The following KCNT2 variants were observed in gnomAD, a reference collection of about 807,000 sequenced individuals.
KCNT2 encodes the protein potassium channel subfamily T member 2.
KCNT2 carries 67 observed loss-of-function variants against 153.8 expected under a neutral mutation model. The ratio of observed to expected loss-of-function variants is 0.44; its 90% CI spans 0.36 to 0.53. The LOEUF is 0.53. Among genes scored for constraint, KCNT2 ranks in the 20% least tolerant of loss-of-function variants. The pLI is 0.00. For missense variants in KCNT2, 975 were observed against 1,354.8 expected (o/e 0.72, Z 4.40); for synonymous variants, 500 against 458.8 (o/e 1.09, Z -1.15).
At chr1:196,586,550 TAA>T (rs2148990230) in intron 1 of KCNT2, among the ~76,000 whole-genome samples, 1 of 152,242 alleles carries the variant, frequency 6.6e-6, no homozygotes, top group Admixed American at 6.5e-5. Flanking sequence ...TTATCATTAA[TAA>T]GAGTACCTGA....
intron 1 of KCNT2, among the ~76,000 whole-genome samples, chr1:196,588,317 T>C (rs147403462): frequency 0.013 from 1,922 of 151,900 alleles, 19 homozygotes; most frequent in Non-Finnish European, 0.02. Context: ...GCTGTTGCCC[T>C]AATGCCCCAG....
At chr1:196,553,306 C>T (rs966600301) in intron 1 of KCNT2, among the ~76,000 whole-genome samples, 5 of 150,998 alleles carry the variant, frequency 3.3e-5, no homozygotes, top group African/African-American at 1.2e-4. Context: ...GAAAAAGAAG[C>T]TCATTACATA....
intron 8 of KCNT2, among the ~76,000 whole-genome samples, chr1:196,432,887 G>T (rs962699224): frequency 6.6e-6 from 1 of 152,100 alleles, no homozygotes; most frequent in Non-Finnish European, 1.5e-5. Context: ...AGCAGGACAT[G>T]CATTTTGATG....
intron 18 of KCNT2, among the ~76,000 whole-genome samples, chr1:196,328,851 G>C (rs531207593): frequency 2.0e-5 from 3 of 152,040 alleles, no homozygotes; most frequent in Non-Finnish European, 4.4e-5. Flanking sequence ...AGAGAACAAA[G>C]GAAATGGTAA....
chr1:196,564,305 AAGACC>A (rs1659808016), intron 1 of KCNT2, among the ~76,000 whole-genome samples: 1 of 151,950 alleles, frequency 6.6e-6, no homozygotes. Context: ...AAGGAAGTAA[AAGACC>A]TGTATCTTGC....
rs1672215958 is a variant in KCNT2 at position 196,410,633 on chromosome 1, T to C, written c.1186-11962A>G. ...CACCCTGCAGCACAAACGAAAAATA[T>C]CATTTTTATTACCATTAGTAGTAGT... On this transcript the variant is annotated intron_variant, in intron 12 of 27. Transcript: ENST00000294725. Among the ~76,000 whole-genome samples the C allele has an allele frequency of 2.6e-5, 4 of 151,284 alleles. No homozygotes were observed. The South Asian group carries it at 6.2e-4, about 24-fold the overall frequency.
At chr1:196,342,448 G>GTA (rs72201546) in intron 14 of KCNT2, among the ~76,000 whole-genome samples, 43 of 100,240 alleles carry the variant, frequency 4.3e-4, no homozygotes, top group African/African-American at 1.3e-3. Flanking sequence ...ATATATATAT[G>GTA]TATATATATA....
At chr1:196,417,060 C>A (rs970836933) in intron 12 of KCNT2, among the ~76,000 whole-genome samples, 1 of 151,994 alleles carries the variant, frequency 6.6e-6, no homozygotes, top group African/African-American at 2.4e-5. Context: ...GTAAATGCAT[C>A]TATTACATAC....
rs1451967883 is a variant in KCNT2, at chr1:196,236,008, T to G, written c.3274A>C (p.Arg1092=). ...YILINPSPDT[R]IELNDVVYLI... The stretch of plus-strand genomic sequence containing the variant: ...TACACAACATCATTCAGCTCTATTC[T>G]GGTATCTGGAGATGGGTTAATCAGG... The change falls in exon 27 of 28, where the codon AGA becomes CGA. Residue 1092 remains arginine (R), a synonymous_variant. Coordinates refer to ENST00000294725, the MANE Select transcript of KCNT2 (RefSeq NM_198503.5). The G allele has an allele frequency of 6.3e-7, 1 of 1,598,200 alleles. No individual in the cohort carries two copies. The highest frequency in any genetic ancestry group is 1.3e-5 in the African/African-American group (1 of 74,416).
chr1:196,507,400 A>G (rs1015307113), intron 1 of KCNT2, among the ~76,000 whole-genome samples: 2 of 152,174 alleles, frequency 1.3e-5, no homozygotes, highest in Non-Finnish European at 2.9e-5. Context: ...GAAGGAAAAG[A>G]CATTAATGTA....
At chr1:196,421,680 TG>T (rs1480256953) in intron 12 of KCNT2, among the ~76,000 whole-genome samples, 3 of 152,086 alleles carry the variant, frequency 2.0e-5, no homozygotes, top group African/African-American at 7.2e-5. Context: ...AATCATTTTT[TG>T]GTCTACACTC....
At chr1:196,452,307 C>T (rs766560063) in intron 8 of KCNT2, among the ~76,000 whole-genome samples, 4 of 151,962 alleles carry the variant, frequency 2.6e-5, no homozygotes, top group Non-Finnish European at 4.4e-5. Context: ...ACTAATAACC[C>T]ACCTTTATAT....
chr1:196,283,194 A>C (rs1432412818), intron 23 of KCNT2, among the ~76,000 whole-genome samples: 1 of 152,204 alleles, frequency 6.6e-6, no homozygotes, highest in Non-Finnish European at 1.5e-5. Flanking sequence ...CTGTAATCCC[A>C]GCACTCTGGG....
rs1212056577 is a variant in KCNT2, at chr1:196,326,869, A to G, written c.2124T>C (p.Tyr708=). Residue 708 remains tyrosine, a synonymous_variant, in exon 19 of 28, where the codon TAT becomes TAC. Transcript: ENST00000294725. ...RLDKSCQHNY[Y]EDAKAYGFKN... ...TGAATCCATAGGCTTTTGCATCCTC[A>G]TAGTAGTTATGTTGGCAACTCTAGA... 3.8e-6 allele frequency: 6 copies of G among 1,575,108 alleles called. No individual in the cohort carries two copies. Among genetic ancestry groups the G allele is most frequent in the Non-Finnish European group, 5.1e-6 (6 of 1,167,056 alleles).
chr1:196,557,629 A>G (rs1385666416), intron 1 of KCNT2, among the ~76,000 whole-genome samples: 1 of 151,276 alleles, frequency 6.6e-6, no homozygotes, highest in East Asian at 1.9e-4. Context: ...CACAAGGTTT[A>G]TTAATTAATA....
chr1:196,566,228 T>C (rs1346144793), intron 1 of KCNT2, among the ~76,000 whole-genome samples: 1 of 151,840 alleles, frequency 6.6e-6, no homozygotes, highest in Non-Finnish European at 1.5e-5. Flanking sequence ...ATTCAAACAA[T>C]GAAAAAATGA....
chr1:196,260,960 A>G (rs1656963662), intron 25 of KCNT2, among the ~76,000 whole-genome samples: 1 of 151,850 alleles, frequency 6.6e-6, no homozygotes, highest in African/African-American at 2.4e-5. Context: ...TTGTAAAATG[A>G]TCCACAATAT....
At chr1:196,531,129 G>A (rs1654883417) in intron 1 of KCNT2, among the ~76,000 whole-genome samples, 3 of 152,002 alleles carry the variant, frequency 2.0e-5, no homozygotes, top group Admixed American at 2.0e-4. Flanking sequence ...GAAGTCTATG[G>A]GGAGTTGCTT....
chr1:196,409,874 T>C (rs1432406935), intron 12 of KCNT2, among the ~76,000 whole-genome samples: 1 of 151,712 alleles, frequency 6.6e-6, no homozygotes, highest in Non-Finnish European at 1.5e-5. Flanking sequence ...AACCGCCATA[T>C]TGTTTTTCAT....
Sources: allele counts gnomAD v4.1 joint callset (sites outside exome capture counted in the v4.1 genomes callset), GRCh38; gene constraint gnomAD v4.1.1; transcripts MANE v1.5; gene names NCBI Gene and HGNC (gene_info 2026-07-23, HGNC 2026-07-21).